ATP2A2: variants seen among roughly 807,000 people sequenced by gnomAD.
ATP2A2 encodes the protein ATPase sarcoplasmic/endoplasmic reticulum Ca2+ transporting 2.
ATP2A2 carries 14 observed loss-of-function variants against 109.3 expected under a neutral mutation model. The ratio of observed to expected loss-of-function variants is 0.13; its 90% CI spans 0.08 to 0.20. The LOEUF is 0.20. Ranked by LOEUF, ATP2A2 falls within the 10% of genes least tolerant of loss-of-function variation. The pLI is 1.00. For synonymous variants in ATP2A2, 506 were observed against 490.9 expected, an observed-to-expected ratio of 1.03 and a Z score of -0.41; for missense variants, 657 against 1,321.6, an observed-to-expected ratio of 0.50 and a Z score of 7.80.
At position 110,346,471 on chromosome 12, in the gene ATP2A2, C is replaced by A; in HGVS notation, c.*1C>A. On this transcript the variant is annotated 3_prime_UTR_variant, in exon 20 of 20. Coordinates refer to ENST00000539276, the MANE Select transcript of ATP2A2 (RefSeq NM_170665.4). The stretch of plus-strand genomic sequence containing the variant: ...CTTTAGCGATATGTTCTGGTCTTGA[C>A]TGACAGTTTTCCATAAAGAAGATGT... 6.2e-7 allele frequency: 1 copy of A among 1,614,200 alleles called. No homozygotes were observed. The highest frequency in any genetic ancestry group is 1.3e-5 in the African/African-American group (1 of 75,050).
rs1371208571 is a variant in ATP2A2 at position 110,346,824 on chromosome 12, AAATG to A, written c.*359_*362del. The A allele has an allele frequency of 3.5e-6, 4 of 1,134,890 alleles. 1 individual carries two copies. The highest frequency in any genetic ancestry group is 4.3e-6 in the Non-Finnish European group (4 of 920,470). 70.3% of individuals were successfully genotyped at this position (1,134,890 alleles called of 1,614,324 possible). A position where few individuals can be genotyped will look rare whatever the true frequency, so the allele number is the denominator to read the frequency against. ...AAATTAATTGGCAGCAGATTTTAGG[AAATG>A]AATGTGTGTGGTTTTTTTTCTAAAA... On this transcript the variant is annotated 3_prime_UTR_variant, in exon 20 of 20. Coordinates refer to ENST00000539276, the MANE Select transcript of ATP2A2 (RefSeq NM_170665.4).
chr12:110,334,126 G>A lies in ATP2A2; in HGVS notation c.1402G>A (p.Ala468Thr). 6.2e-7 allele frequency: 1 copy of A among 1,613,962 alleles called. No individual in the cohort carries two copies. Residue 468 changes from alanine (A) to threonine (T), a missense_variant, in exon 11 of 20, where the codon GCA (alanine) becomes ACA (threonine). Transcript: ENST00000539276. The stretch of plus-strand genomic sequence containing the variant: ...GAAGGGTCTTTCTAAAATAGAACGT[G>A]CAAATGCCTGCAACTCAGTGAGTAT... The part of the protein sequence containing the change: ...ELKGLSKIER[A>T]NACNSVIKQL...
intron 7 of ATP2A2, among the ~76,000 whole-genome samples, chr12:110,326,965 G>T (rs1431150903): frequency 1.3e-5 from 2 of 152,186 alleles, no homozygotes. Context: ...GTGAGGAAAT[G>T]ATTTTAAGTT....
At chr12:110,315,131 G>A (rs570815986) in intron 5 of ATP2A2, among the ~76,000 whole-genome samples, 9 of 152,308 alleles carry the variant, frequency 5.9e-5, no homozygotes, top group Non-Finnish European at 1.2e-4. Context: ...CTTCCAGAGT[G>A]CTGGGATTAC....
chr12:110,284,078 T>A (rs970202450), intron 3 of ATP2A2, among the ~76,000 whole-genome samples: 19 of 152,190 alleles, frequency 1.2e-4, no homozygotes, highest in African/African-American at 4.3e-4. Flanking sequence ...TTTCTGTGGT[T>A]TTCATTGATT....
chr12:110,298,097 A>G (rs1874161832), intron 5 of ATP2A2, among the ~76,000 whole-genome samples: 1 of 152,212 alleles, frequency 6.6e-6, no homozygotes, highest in Non-Finnish European at 1.5e-5. Flanking sequence ...TCATAGTAAT[A>G]TGCTTTTATA....
At position 110,347,232 on chromosome 12, in the gene ATP2A2, T is replaced by C. The variant is rs2137878938; in HGVS notation, c.*762T>C. 8.3e-7 allele frequency: 1 copy of C among 1,206,328 alleles called. No homozygotes were observed. Among genetic ancestry groups the C allele is most frequent in the East Asian group, 5.8e-5 (1 of 17,382 alleles). 74.7% of individuals were successfully genotyped at this position (1,206,328 alleles called of 1,614,324 possible). A position where few individuals can be genotyped will look rare whatever the true frequency, so the allele number is the denominator to read the frequency against. On this transcript the variant is annotated 3_prime_UTR_variant, in exon 20 of 20. Coordinates refer to ENST00000539276, the MANE Select transcript of ATP2A2 (RefSeq NM_170665.4). ...TATTTAAATGTCTAATGTATTTTAT[T>C]GTAACAGACATTGTTTTGCCAACAT...
At chr12:110,292,689 A>G (rs1272419573) in intron 4 of ATP2A2, among the ~76,000 whole-genome samples, 1 of 152,172 alleles carries the variant, frequency 6.6e-6, no homozygotes, top group African/African-American at 2.4e-5. Context: ...CAGGAGGCTG[A>G]GGTGGGAGGG....
chr12:110,324,931 C>T (rs910304432), intron 6 of ATP2A2, among the ~76,000 whole-genome samples: 1 of 151,622 alleles, frequency 6.6e-6, no homozygotes, highest in African/African-American at 2.4e-5. Context: ...ATTCTCATGC[C>T]TCAGCCTCCC....
intron 5 of ATP2A2, among the ~76,000 whole-genome samples, chr12:110,322,714 C>G (rs1279699660): frequency 6.6e-6 from 1 of 152,152 alleles, no homozygotes; most frequent in Admixed American, 6.5e-5. Context: ...GCTTGAAGGC[C>G]TGTCTGAAGA....
Position 110,347,875 on chromosome 12 carries a change from T to C in ATP2A2, c.*1405T>C, listed in dbSNP as rs1157550877. 1.5e-5 allele frequency: 15 copies of C among 1,001,174 alleles called. No homozygotes were observed. Among genetic ancestry groups the C allele is most frequent in the African/African-American group, 1.7e-5 (1 of 57,574 alleles). The allele number at this position is 1,001,174 out of a possible 1,614,324, so 62.0% of individuals were successfully genotyped here. On this transcript the variant is annotated 3_prime_UTR_variant, in exon 20 of 20. Coordinates refer to ENST00000539276, the MANE Select transcript of ATP2A2 (RefSeq NM_170665.4). ...GAGATAACTGTATGTCACTAACTTA[T>C]AAGCCGCCTCCATGGCAGATGCTGC...
chr12:110,307,239 T>TC (rs71083115), intron 5 of ATP2A2, among the ~76,000 whole-genome samples: 1 of 145,766 alleles, frequency 6.9e-6, no homozygotes, highest in East Asian at 2.0e-4. Flanking sequence ...TTTTTTTTTT[T>TC]CTTTTTTTTT....
intron 11 of ATP2A2, among the ~76,000 whole-genome samples, chr12:110,337,332 G>C (rs1337066456): frequency 6.6e-6 from 1 of 152,188 alleles, no homozygotes; most frequent in Non-Finnish European, 1.5e-5. Context: ...GGCCAGCCTA[G>C]TACTGAAAGG....
At chr12:110,296,781 C>T in intron 5 of ATP2A2, 44 bp downstream of exon 5, 1 of 1,595,442 alleles carries the variant, frequency 6.3e-7, no homozygotes, top group South Asian at 1.1e-5. Context: ...GATAGTATTT[C>T]TGAATGTAGT....
chr12:110,317,961 T>C (rs1876845079), intron 5 of ATP2A2, among the ~76,000 whole-genome samples: 1 of 152,212 alleles, frequency 6.6e-6, no homozygotes, highest in Non-Finnish European at 1.5e-5. Flanking sequence ...TATTCTTTTA[T>C]TGTACCTGCC....
chr12:110,335,868 T>C (rs1878791451), intron 11 of ATP2A2, among the ~76,000 whole-genome samples: 1 of 152,198 alleles, frequency 6.6e-6, no homozygotes, highest in African/African-American at 2.4e-5. Context: ...CCAGGAAACA[T>C]CATTCCTGAG....
At chr12:110,291,873 C>G in intron 3 of ATP2A2, 147 bp from the exon 4 acceptor site, 3 of 734,646 alleles carry the variant, frequency 4.1e-6, no homozygotes, top group Non-Finnish European at 7.3e-6. Flanking sequence ...GTCTGGAACT[C>G]TTGACCTCAG....
chr12:110,328,623 A>G (rs1048245315), intron 8 of ATP2A2, among the ~76,000 whole-genome samples: 1 of 152,214 alleles, frequency 6.6e-6, no homozygotes, highest in Non-Finnish European at 1.5e-5. Context: ...GCTAGTGTGC[A>G]GTGACACAGC....
Position 110,339,319 on chromosome 12 carries a change from G to C in ATP2A2, c.1458G>C (p.Glu486Asp). ...KQLMKKEFTL[E>D]FSRDRKSMSV... ...TGATGAAAAAGGAATTCACTCTAGAGTTTTCACGTGACAGAAAGTCAATGT... is the reference window on the plus strand; with the variant it reads ...TGATGAAAAAGGAATTCACTCTAGACTTTTCACGTGACAGAAAGTCAATGT... The change falls in exon 12 of 20, where the codon GAG becomes GAC. Residue 486 changes from glutamate (E) to aspartate (D), a missense_variant. Physicochemically the swap from Glu to Asp is conservative, Grantham distance 45 (BLOSUM62 2). Transcript: ENST00000539276. The surrounding 1 kb of genome is among the most constrained non-coding windows in gnomAD (Gnocchi z 4.4). 1 of 1,614,112 alleles carries C rather than the reference G, an allele frequency of 6.2e-7. No individual in the cohort carries two copies. Among genetic ancestry groups the C allele is most frequent in the Non-Finnish European group, 8.5e-7 (1 of 1,180,034 alleles).
Sources: gnomAD v4.1 joint callset for allele counts (sites outside exome capture counted in the v4.1 genomes callset) on GRCh38, gnomAD v4.1.1 for gene constraint, Gnocchi (gnomAD v3.1) non-coding constraint, MANE v1.5 for transcripts, NCBI Gene and HGNC (gene_info 2026-07-23, HGNC 2026-07-21) for gene names.